Variants in TSHZ2 observed in about 807,000 individuals in gnomAD.
TSHZ2 encodes the protein teashirt zinc finger homeobox 2.
In TSHZ2, 21 loss-of-function variants were observed where a neutral mutation model predicts 74.4. That is an observed-to-expected ratio of 0.28 (90% confidence interval 0.20 to 0.41). The LOEUF is 0.41. Ranked by LOEUF, TSHZ2 falls within the 10% of genes least tolerant of loss-of-function variation. The pLI is 1.00. For synonymous variants in TSHZ2, 540 were observed against 515.3 expected (o/e 1.05, Z -0.65); for missense variants, 1,244 against 1,293.5 (o/e 0.96, Z 0.59).
At chr20:53,469,850 G>A (rs6126846) in intron 2 of TSHZ2, among the ~76,000 whole-genome samples, 9,832 of 69,110 alleles carry the variant, frequency 0.14, 1,606 homozygotes, top group Non-Finnish European at 0.16. Context: ...GGGAGGGAGG[G>A]AGGAAGGAAG....
intron 1 of TSHZ2, among the ~76,000 whole-genome samples, chr20:53,143,116 C>T (rs1465139156): frequency 6.6e-6 from 1 of 152,070 alleles, no homozygotes; most frequent in South Asian, 2.1e-4. Context: ...AAATACTATT[C>T]GAATTGAAAA....
chr20:53,494,859 T>TC lies in TSHZ2; in HGVS notation c.*7729dup, dbSNP rs1320493100. ...TGAAAAAAAAAAAGTCTCTTTTTTT[T>TC]CCCCCACTCAGCAGTTATTGGAAAT... On this transcript the variant is annotated 3_prime_UTR_variant, in exon 3 of 3. Coordinates refer to ENST00000371497, the MANE Select transcript of TSHZ2 (RefSeq NM_173485.6). The TC allele has an allele frequency of 6.6e-6, 1 of 152,062 alleles. No individual in the cohort carries two copies. The highest frequency in any genetic ancestry group is 2.4e-5 in the African/African-American group (1 of 41,410). 9.4% of individuals were successfully genotyped at this position (152,062 alleles called of 1,614,324 possible).
At chr20:53,341,991 G>T (rs995301137) in intron 2 of TSHZ2, among the ~76,000 whole-genome samples, 7 of 152,126 alleles carry the variant, frequency 4.6e-5, no homozygotes, top group African/African-American at 1.7e-4. Flanking sequence ...GATTATAGGC[G>T]TGAGCAATCA....
intron 2 of TSHZ2, among the ~76,000 whole-genome samples, chr20:53,306,253 A>G (rs1428528548): frequency 2.6e-5 from 4 of 152,172 alleles, no homozygotes; most frequent in Admixed American, 6.5e-5. Context: ...TTGCCAAAAA[A>G]GCAAACACTT....
chr20:53,106,391 C>CTTTTTTTTTTTTTTTTTTTT (rs71194458), intron 1 of TSHZ2, among the ~76,000 whole-genome samples: 2 of 58,938 alleles, frequency 3.4e-5, no homozygotes, highest in African/African-American at 7.0e-5. Context: ...CTCACACTTT[C>CTTTTTTTTTTTTTTTTTTTT]TTTTTTTTTT....
intron 1 of TSHZ2, among the ~76,000 whole-genome samples, chr20:53,021,667 C>G (rs1489741830): frequency 6.6e-6 from 1 of 152,148 alleles, no homozygotes; most frequent in Non-Finnish European, 1.5e-5. Context: ...TTACCAACTC[C>G]AGCAGGAACT....
chr20:53,039,545 T>A (rs1983959846), intron 1 of TSHZ2, among the ~76,000 whole-genome samples: 1 of 152,096 alleles, frequency 6.6e-6, no homozygotes, highest in South Asian at 2.1e-4. Flanking sequence ...AAATCTCTAC[T>A]CTAGGAGGGA....
chr20:53,233,599 T>C (rs930648949), intron 1 of TSHZ2, among the ~76,000 whole-genome samples: 5 of 152,062 alleles, frequency 3.3e-5, no homozygotes, highest in African/African-American at 7.2e-5. Flanking sequence ...ACTTGGAGAG[T>C]AGAAGTAACT....
chr20:53,309,016 C>T (rs944416549), intron 2 of TSHZ2, among the ~76,000 whole-genome samples: 1 of 152,182 alleles, frequency 6.6e-6, no homozygotes, highest in East Asian at 1.9e-4. Context: ...CATTCAGGTT[C>T]TTCACATGAA....
Position 53,095,178 on chromosome 20 carries a change from C to A in TSHZ2, c.40+121845C>A, listed in dbSNP as rs144022861. On this transcript the variant is annotated intron_variant, in intron 1 of 2. Transcript: ENST00000371497. ...TACATCACAAAGGTTTGGTTTCTCTCTATATATTTCTCTGGGTCACTTTTG... is the reference window on the plus strand; with the variant it reads ...TACATCACAAAGGTTTGGTTTCTCTATATATATTTCTCTGGGTCACTTTTG... 3.3e-5 allele frequency among the ~76,000 whole-genome samples: 5 copies of A among 152,276 alleles called. No individual in the cohort carries two copies. The East Asian group carries it at 7.7e-4, about 24-fold the overall frequency.
intron 1 of TSHZ2, among the ~76,000 whole-genome samples, chr20:52,997,491 C>T (rs1423864898): frequency 6.6e-6 from 1 of 152,036 alleles, no homozygotes; most frequent in East Asian, 1.9e-4. Flanking sequence ...ATTTCAATCC[C>T]ATGGGTGGCT....
intron 1 of TSHZ2, among the ~76,000 whole-genome samples, chr20:53,017,479 G>A (rs1037678767): frequency 6.6e-6 from 1 of 152,136 alleles, no homozygotes; most frequent in Non-Finnish European, 1.5e-5. Flanking sequence ...TAATGTGTAT[G>A]TGAAAAAGAT....
At chr20:53,237,001 G>C (rs962688417) in intron 1 of TSHZ2, among the ~76,000 whole-genome samples, 1 of 152,194 alleles carries the variant, frequency 6.6e-6, no homozygotes, top group African/African-American at 2.4e-5. Flanking sequence ...CACAGAGCCA[G>C]ACCACATCAG....
At chr20:53,110,639 T>G (rs1178067290) in intron 1 of TSHZ2, among the ~76,000 whole-genome samples, 1 of 151,698 alleles carries the variant, frequency 6.6e-6, no homozygotes. Flanking sequence ...GGATATGAGA[T>G]AAAGAGTACT....
At chr20:53,264,221 A>G (rs146999336) in intron 2 of TSHZ2, among the ~76,000 whole-genome samples, 37 of 152,308 alleles carry the variant, frequency 2.4e-4, no homozygotes, top group Non-Finnish European at 4.3e-4. Context: ...CAAAACTGCA[A>G]AGTAAATATT....
Position 53,349,665 on chromosome 20 carries a change from AAAG to A in TSHZ2, c.*8+93098_*8+93100del, listed in dbSNP as rs1450766844. Among the ~76,000 whole-genome samples the A allele has an allele frequency of 1.3e-4, 19 of 151,900 alleles. No homozygotes were observed. In the South Asian group the frequency reaches 3.6e-3, roughly 28 times the overall value. ...AGACCCCACCTCAAAAAAAAAAAAA[AAAG>A]AAGTGTAGCTTCCCCAGGTGAAGTC... On this transcript the variant is annotated intron_variant, in intron 2 of 2. Transcript: ENST00000371497.
At chr20:53,273,580 C>G (rs188168857) in intron 2 of TSHZ2, among the ~76,000 whole-genome samples, 1 of 152,190 alleles carries the variant, frequency 6.6e-6, no homozygotes, top group Non-Finnish European at 1.5e-5. Context: ...TGAGCCACCA[C>G]GCCCAGCCTA....
At chr20:53,261,330 C>T (rs1191938428) in intron 2 of TSHZ2, among the ~76,000 whole-genome samples, 1 of 152,196 alleles carries the variant, frequency 6.6e-6, no homozygotes, top group African/African-American at 2.4e-5. Context: ...TCCTTGTTCT[C>T]TTTCTTTTAA....
At chr20:52,989,011 T>C (rs1359243347) in intron 1 of TSHZ2, among the ~76,000 whole-genome samples, 2 of 152,162 alleles carry the variant, frequency 1.3e-5, no homozygotes, top group Non-Finnish European at 2.9e-5. Context: ...AAAAGATGTC[T>C]TGTATTTGTA....
Sources: gnomAD v4.1 joint callset for allele counts (sites outside exome capture counted in the v4.1 genomes callset) on GRCh38, gnomAD v4.1.1 for gene constraint, MANE v1.5 for transcripts, NCBI Gene and HGNC (gene_info 2026-07-23, HGNC 2026-07-21) for gene names.